The following ZNF738 variants were observed in gnomAD, a reference collection of about 807,000 sequenced individuals.
ZNF738 encodes zinc finger protein 738.
ZNF738 carries 10 observed loss-of-function variants against 9.2 expected under a neutral mutation model. The ratio of observed to expected loss-of-function variants is 1.09; its 90% CI spans 0.67 to 1.85. ZNF738 has a LOEUF of 1.85. Ranked by LOEUF, ZNF738 falls within the 40% of genes most tolerant of loss-of-function variation. The pLI is 0.00. For synonymous variants in ZNF738, 113 were observed against 94.5 expected, an observed-to-expected ratio of 1.20 and a Z score of -1.14; for missense variants, 346 against 283.6, an observed-to-expected ratio of 1.22 and a Z score of -1.58.
intron 4 of ZNF738, among the ~76,000 whole-genome samples, chr19:21,380,276 A>G (rs913826368): frequency 6.6e-6 from 1 of 152,256 alleles, no homozygotes; most frequent in Non-Finnish European, 1.5e-5. Context: ...AATAAAAATA[A>G]TATGATCTCC....
intron 2 of ZNF738, among the ~76,000 whole-genome samples, chr19:21,365,674 A>T (rs1973766603): frequency 6.6e-6 from 1 of 152,080 alleles, no homozygotes. Flanking sequence ...GAAAACATCT[A>T]GGCTGGGCGT....
At chr19:21,373,915 A>T (rs8103411) in intron 2 of ZNF738, among the ~76,000 whole-genome samples, 55,211 of 151,796 alleles carry the variant, frequency 0.36, 10,788 homozygotes, top group Non-Finnish European at 0.45. Context: ...TTTAACTACT[A>T]TAAAAAATTC....
intron 2 of ZNF738, among the ~76,000 whole-genome samples, chr19:21,364,912 ATTTTTTT>A (rs71176864): frequency 7.7e-4 from 76 of 99,246 alleles, no homozygotes; most frequent in Admixed American, 1.4e-3. Flanking sequence ...TACCCAGCTA[ATTTTTTT>A]TTTTTTTTTT....
chr19:21,384,121 ATC>A lies in ZNF738; in HGVS notation c.*449_*450del. 2 of 1,501,178 alleles carry A rather than the reference ATC, an allele frequency of 1.3e-6. No individual in the cohort carries two copies. The highest frequency in any genetic ancestry group is 2.2e-5 in the South Asian group (2 of 88,894). The allele number at this position is 1,501,178 out of a possible 1,614,324, so 93.0% of individuals were successfully genotyped here. A position where few individuals can be genotyped will look rare whatever the true frequency, so the allele number is the denominator to read the frequency against. ...GGCAAAGCTTTCTACCGATTATCTT[ATC>A]TTACTACACATAAGATGATTCATAC... is the stretch of plus-strand genomic sequence containing the variant. On this transcript the variant is annotated 3_prime_UTR_variant, in exon 5 of 5. Coordinates refer to ENST00000683779, the MANE Select transcript of ZNF738 (RefSeq NM_001355237.2).
intron 4 of ZNF738, chr19:21,377,487 GACATACAC>G (rs1486784605): frequency 1.3e-5 from 9 of 696,686 alleles, no homozygotes; most frequent in South Asian, 7.6e-5. Flanking sequence ...ACCTTAGTGT[GACATACAC>G]ACAGACACAC....
In ZNF738 at chr19:21,361,942, A is replaced by G. The variant is rs568790079; in HGVS notation, c.96+84A>G. 1.6e-4 allele frequency: 105 copies of G among 638,322 alleles called. No individual in the cohort carries two copies. In the African/African-American group the frequency reaches 1.8e-3, roughly 11 times the overall value. The allele number at this position is 638,322 out of a possible 1,614,324, so 39.5% of individuals were successfully genotyped here. A position where few individuals can be genotyped will look rare whatever the true frequency, so the allele number is the denominator to read the frequency against. On this transcript the variant is annotated intron_variant, in intron 2 of 4. Transcript: ENST00000683779. Reference sequence around the variant, plus strand: ...AAAAATACAAAAAACTTAGCCAAGCATGGTGGTGCATGCCTGAATTTCCAG... The same window carrying G: ...AAAAATACAAAAAACTTAGCCAAGCGTGGTGGTGCATGCCTGAATTTCCAG...
Position 21,383,975 on chromosome 19 carries a change from T to G in ZNF738, c.*301T>G. The stretch of plus-strand genomic sequence containing the variant: ...CCTACCTTACTGCACATAAGTTGAT[T>G]CATACTGGAGAGAAACCCTACAAAT... On this transcript the variant is annotated 3_prime_UTR_variant, in exon 5 of 5. Transcript: ENST00000683779. 3 of 1,454,538 alleles carry G rather than the reference T, an allele frequency of 2.1e-6. No homozygotes were observed. Among genetic ancestry groups the G allele is most frequent in the Non-Finnish European group, 2.9e-6 (3 of 1,039,356 alleles). 90.1% of individuals were successfully genotyped at this position (1,454,538 alleles called of 1,614,324 possible). A position where few individuals can be genotyped will look rare whatever the true frequency, so the allele number is the denominator to read the frequency against.
chr19:21,370,200 G>A (rs545209551), intron 2 of ZNF738, among the ~76,000 whole-genome samples: 96 of 152,138 alleles, frequency 6.3e-4, no homozygotes, highest in Non-Finnish European at 1.0e-3. Flanking sequence ...TTTATTAATT[G>A]TATGTTGAAC....
intron 4 of ZNF738, among the ~76,000 whole-genome samples, chr19:21,382,634 A>G (rs1455997012): frequency 2.6e-5 from 4 of 152,080 alleles, no homozygotes; most frequent in African/African-American, 9.7e-5. Flanking sequence ...GACTTTTTGC[A>G]TTGTGCTCAC....
intron 4 of ZNF738, chr19:21,376,244 G>A (rs543203678): frequency 7.0e-6 from 2 of 284,226 alleles, no homozygotes; most frequent in Non-Finnish European, 1.3e-5. Context: ...CCTCTTCATG[G>A]CATATAAAAG....
chr19:21,381,200 G>T, intron 4 of ZNF738: 2 of 1,444,464 alleles, frequency 1.4e-6, no homozygotes, highest in Non-Finnish European at 1.9e-6. Context: ...GGAACCTACA[G>T]CCAGAAGAGT....
chr19:21,377,533 CAA>C (rs1568370132), intron 4 of ZNF738: 1 of 554,154 alleles, frequency 1.8e-6, no homozygotes, highest in South Asian at 2.3e-5. Flanking sequence ...CACACACACA[CAA>C]AATTTGTCAT....
Position 21,381,173 on chromosome 19 carries a change from C to T in ZNF738, c.320-1693C>T. 3 of 1,150,894 alleles carry T rather than the reference C, an allele frequency of 2.6e-6. No individual in the cohort carries two copies. In the East Asian group the frequency reaches 7.1e-5, roughly 27 times the overall value. 71.3% of individuals were successfully genotyped at this position (1,150,894 alleles called of 1,614,324 possible). Reference sequence around the variant, plus strand: ...ATGATTTCTGCAGTGAGCACCAAGGCTTCCAGGAGTTTTCTTGGAACCTAC... The same window carrying T: ...ATGATTTCTGCAGTGAGCACCAAGGTTTCCAGGAGTTTTCTTGGAACCTAC... On this transcript the variant is annotated intron_variant, in intron 4 of 4. Transcript: ENST00000683779.
intron 4 of ZNF738, among the ~76,000 whole-genome samples, chr19:21,379,483 T>C (rs2968038): frequency 7.9e-5 from 12 of 152,320 alleles, no homozygotes; most frequent in African/African-American, 2.6e-4. Flanking sequence ...TAATACTCAG[T>C]AATCACTCAC....
intron 2 of ZNF738, among the ~76,000 whole-genome samples, chr19:21,365,448 C>A (rs527753118): frequency 3.9e-5 from 6 of 152,078 alleles, no homozygotes; most frequent in African/African-American, 7.2e-5. Context: ...TACAAAAAAA[C>A]CCCTTAATCA....
intron 2 of ZNF738, among the ~76,000 whole-genome samples, chr19:21,367,179 T>C (rs1249659380): frequency 6.6e-6 from 1 of 152,206 alleles, no homozygotes; most frequent in Non-Finnish European, 1.5e-5. Flanking sequence ...AGCTATTTAC[T>C]AGGGTTATGT....
At position 21,384,565 on chromosome 19, in the gene ZNF738, A is replaced by C. The variant is rs1384018156; in HGVS notation, c.*891A>C. Reference sequence around the variant, plus strand: ...CAAATTACTAGACATAAGATAATTCATACTGGAGAGAAACCCTACAAATGT... The same window carrying C: ...CAAATTACTAGACATAAGATAATTCCTACTGGAGAGAAACCCTACAAATGT... On this transcript the variant is annotated 3_prime_UTR_variant, in exon 5 of 5. Coordinates refer to ENST00000683779, the MANE Select transcript of ZNF738 (RefSeq NM_001355237.2). Among the ~76,000 whole-genome samples the C allele has an allele frequency of 2.6e-5, 4 of 152,222 alleles. No individual in the cohort carries two copies. The highest frequency in any genetic ancestry group is 9.6e-5 in the African/African-American group (4 of 41,462).
At chr19:21,381,702 C>A in intron 4 of ZNF738, 1 of 352,086 alleles carries the variant, frequency 2.8e-6, no homozygotes, top group Non-Finnish European at 5.3e-6. Flanking sequence ...ACTGCGTTAG[C>A]CAGGATGGTC....
In ZNF738 at chr19:21,369,794, A is replaced by G. The variant is rs145812993; in HGVS notation, c.97-5444A>G. ...CTGTAATGTAGTTTGAAGAGGGGCA[A>G]TGTAATGCTTCCAGCTTCATTCTTT... On this transcript the variant is annotated intron_variant, in intron 2 of 4. Coordinates refer to ENST00000683779, the MANE Select transcript of ZNF738 (RefSeq NM_001355237.2). 1.9e-4 allele frequency among the ~76,000 whole-genome samples: 28 copies of G among 150,644 alleles called. No homozygotes were observed. In the East Asian group the frequency reaches 4.9e-3, roughly 26 times the overall value.
Sources: allele counts gnomAD v4.1 joint callset (sites outside exome capture counted in the v4.1 genomes callset), GRCh38; gene constraint gnomAD v4.1.1; transcripts MANE v1.5; gene names NCBI Gene and HGNC (gene_info 2026-07-23, HGNC 2026-07-21).